Variants in RAB3GAP2 observed in about 807,000 individuals in gnomAD.
RAB3GAP2 encodes the protein RAB3 GTPase activating non-catalytic protein subunit 2, also known as rab3 GTPase-activating protein non-catalytic subunit.
Under a neutral mutation model 185.3 loss-of-function variants are expected in RAB3GAP2, and 87 were observed. The ratio of observed to expected loss-of-function variants is 0.47; its 90% CI spans 0.39 to 0.56. RAB3GAP2 has a LOEUF of 0.56. RAB3GAP2 is among the 20% of genes least tolerant of loss of function. RAB3GAP2 has a pLI of 0.00. For missense variants in RAB3GAP2, 1,492 were observed against 1,638.2 expected, an observed-to-expected ratio of 0.91 and a Z score of 1.54; for synonymous variants, 554 against 576.1, an observed-to-expected ratio of 0.96 and a Z score of 0.55.
chr1:220,163,227 A>C (rs1571876664), intron 27 of RAB3GAP2, among the ~76,000 whole-genome samples: 1 of 152,056 alleles, frequency 6.6e-6, no homozygotes, highest in Non-Finnish European at 1.5e-5. Flanking sequence ...TATTATTACT[A>C]CCCTTGTAGC....
chr1:220,170,983 G>T lies in RAB3GAP2; in HGVS notation c.2715C>A (p.Ser905Arg). Residue 905 changes from serine to arginine, a missense_variant, in exon 24 of 35, where the codon AGC becomes AGA. Physicochemically the swap from Ser to Arg is moderately radical, Grantham distance 110 (BLOSUM62 -1). This residue lies in a region of RAB3GAP2 where 681 missense variants were observed against 689.1 expected (regional missense o/e 0.99). Coordinates refer to ENST00000358951, the MANE Select transcript of RAB3GAP2 (RefSeq NM_012414.4). Reference protein sequence around the residue: ...DCLILQTLLHSKGNTQTSKVS... With the variant: ...DCLILQTLLHRKGNTQTSKVS... ...CTTTGGAGGTCTGAGTGTTCCCTTT[G>T]CTGTGAAGCAGAGTCTGAAGTATGA... The T allele has an allele frequency of 6.2e-7, 1 of 1,614,202 alleles. No homozygotes were observed. The highest frequency in any genetic ancestry group is 8.5e-7 in the Non-Finnish European group (1 of 1,180,028).
Position 220,170,801 on chromosome 1 carries a change from T to C in RAB3GAP2, c.2806+91A>G, listed in dbSNP as rs1464508239. ...GTTATTTTTAAATCTGAGTGTATTT[T>C]TCTTTCTCTATTCTTTCCGTCATTT... is the stretch of plus-strand genomic sequence containing the variant. On this transcript the variant is annotated intron_variant, in intron 24 of 34. Coordinates refer to ENST00000358951, the MANE Select transcript of RAB3GAP2 (RefSeq NM_012414.4). 2.8e-6 allele frequency: 3 copies of C among 1,063,104 alleles called. No homozygotes were observed. The East Asian group carries it at 7.3e-5, about 26-fold the overall frequency. The allele number at this position is 1,063,104 out of a possible 1,614,324, so 65.9% of individuals were successfully genotyped here. A position where few individuals can be genotyped will look rare whatever the true frequency, so the allele number is the denominator to read the frequency against.
At chr1:220,250,261 G>A (rs190401274) in intron 1 of RAB3GAP2, among the ~76,000 whole-genome samples, 2 of 152,280 alleles carry the variant, frequency 1.3e-5, no homozygotes, top group Non-Finnish European at 2.9e-5. Flanking sequence ...CGTGAGACAT[G>A]GAGTCAAAAG....
chr1:220,172,659 C>T lies in RAB3GAP2; in HGVS notation c.2394G>A (p.Leu798=), dbSNP rs1034671229. The change falls in exon 22 of 35, where the codon CTG becomes CTA. Residue 798 remains leucine, a synonymous_variant. Transcript: ENST00000358951. The part of the protein sequence containing the change: ...PQSICCLHTM[L]SLLSKMKVAI... ...TACCTTTCATCTTGCTCAGGAGGGA[C>T]AGCATGGTATGAAGACAGCAGATTG... 6.2e-7 allele frequency: 1 copy of T among 1,611,392 alleles called. No homozygotes were observed. Among genetic ancestry groups the T allele is most frequent in the South Asian group, 1.1e-5 (1 of 91,026 alleles).
intron 24 of RAB3GAP2, among the ~76,000 whole-genome samples, chr1:220,169,386 C>T (rs974113812): frequency 3.9e-5 from 6 of 152,138 alleles, no homozygotes; most frequent in African/African-American, 1.4e-4. Flanking sequence ...GAAAGTGATG[C>T]TTCACAACAG....
At chr1:220,151,891 T>C in intron 33 of RAB3GAP2, 127 bp from the exon 34 acceptor site, 2 of 992,402 alleles carry the variant, frequency 2.0e-6, no homozygotes, top group Non-Finnish European at 3.0e-6. Flanking sequence ...CTTTTGATTG[T>C]ATACAACCAA....
At chr1:220,272,175 G>C in intron 1 of RAB3GAP2, 48 bp downstream of exon 1, 1 of 1,494,904 alleles carries the variant, frequency 6.7e-7, no homozygotes, top group Non-Finnish European at 9.2e-7. Flanking sequence ...CGTGAGCAGA[G>C]GCCGCGGGTG....
At chr1:220,171,145 C>A (rs1462812030) in intron 23 of RAB3GAP2, 25 bp from the exon 24 acceptor site, 1 of 1,593,990 alleles carries the variant, frequency 6.3e-7, no homozygotes, top group Admixed American at 1.7e-5. Flanking sequence ...ACTGGTGATT[C>A]TTTGCCAAAG....
chr1:220,251,441 A>G (rs1181944423), intron 1 of RAB3GAP2, among the ~76,000 whole-genome samples: 1 of 152,254 alleles, frequency 6.6e-6, no homozygotes, highest in Non-Finnish European at 1.5e-5. Flanking sequence ...AAACAATAGA[A>G]AAAGTTTAAA....
At chr1:220,214,089 T>C in intron 2 of RAB3GAP2, 110 bp from the exon 3 acceptor site, 1 of 1,095,182 alleles carries the variant, frequency 9.1e-7, no homozygotes, top group South Asian at 1.4e-5. Flanking sequence ...AGGAAATATT[T>C]CCAATTCTCA....
intron 1 of RAB3GAP2, among the ~76,000 whole-genome samples, chr1:220,264,484 G>A (rs367590767): frequency 1.1e-3 from 163 of 152,012 alleles, no homozygotes; most frequent in African/African-American, 3.8e-3. Context: ...GAGAAAGTAG[G>A]CACTTTCACA....
chr1:220,247,964 T>G (rs866978), intron 1 of RAB3GAP2, among the ~76,000 whole-genome samples: 29,043 of 151,732 alleles, frequency 0.19, 2,895 homozygotes, highest in Admixed American at 0.25. Context: ...TTAGACTTGA[T>G]AAAGAGAAGT....
Position 220,202,292 on chromosome 1 carries a change from A to G in RAB3GAP2, c.795T>C (p.Ile265=), listed in dbSNP as rs1441988727. 6.2e-7 allele frequency: 1 copy of G among 1,613,694 alleles called. No individual in the cohort carries two copies. The highest frequency in any genetic ancestry group is 8.5e-7 in the Non-Finnish European group (1 of 1,179,888). ...KWGLQDIDTI[I]DHASVGIMTL... Reference sequence around the variant, plus strand: ...AATACTTACCAACACTAGCATGATCAATAATAGTGTCAATATCTTGTAGAC... The same window carrying G: ...AATACTTACCAACACTAGCATGATCGATAATAGTGTCAATATCTTGTAGAC... The change falls in exon 9 of 35, where the codon ATT becomes ATC. Residue 265 remains isoleucine, a synonymous_variant. Transcript: ENST00000358951.
intron 27 of RAB3GAP2, among the ~76,000 whole-genome samples, chr1:220,163,736 A>AATACATAC (rs1273294958): frequency 1.2e-4 from 12 of 103,248 alleles, no homozygotes; most frequent in South Asian, 6.8e-4. Context: ...TAAATATATA[A>AATACATAC]ATACATACAT....
chr1:220,197,654 A>G (rs10779399), intron 9 of RAB3GAP2, among the ~76,000 whole-genome samples: 149,552 of 152,308 alleles, frequency 0.98, 73,441 homozygotes, highest in East Asian at 1. Flanking sequence ...AGGGCAAACT[A>G]TATGGCACAT....
chr1:220,269,721 C>CA (rs916876630), intron 1 of RAB3GAP2, among the ~76,000 whole-genome samples: 1 of 149,450 alleles, frequency 6.7e-6, no homozygotes, highest in South Asian at 2.1e-4. Context: ...GACTTCATCT[C>CA]AAAAAAAAAG....
At chr1:220,247,122 A>C (rs1659833665) in intron 1 of RAB3GAP2, among the ~76,000 whole-genome samples, 1 of 152,170 alleles carries the variant, frequency 6.6e-6, no homozygotes, top group Non-Finnish European at 1.5e-5. Context: ...GTTGGCATGG[A>C]TGTGTTGAAA....
intron 7 of RAB3GAP2, chr1:220,208,332 A>G (rs757042601): frequency 2.0e-5 from 3 of 152,110 alleles, no homozygotes; most frequent in South Asian, 2.1e-4. Context: ...TAATAGTTCA[A>G]TTTCTCCTAT....
chr1:220,191,424 C>A, intron 13 of RAB3GAP2, 140 bp from the exon 14 acceptor site: 1 of 645,082 alleles, frequency 1.6e-6, no homozygotes. Context: ...TATGGAATAT[C>A]TTAAATAAAA....
Sources: gnomAD v4.1 joint callset for allele counts (sites outside exome capture counted in the v4.1 genomes callset) on GRCh38, gnomAD v4.1.1 for gene constraint, gnomAD v4.1.1 regional missense constraint, MANE v1.5 for transcripts, NCBI Gene and HGNC (gene_info 2026-07-23, HGNC 2026-07-21) for gene names.